Variants in CDH18 observed in about 807,000 individuals in gnomAD.
CDH18 encodes cadherin 18, also known as cadherin-18.
In CDH18, 31 loss-of-function variants were observed where a neutral mutation model predicts 67.9. The ratio of observed to expected loss-of-function variants is 0.46; its 90% CI spans 0.34 to 0.62. The LOEUF (loss-of-function observed/expected upper bound fraction) is 0.62, where lower values mean the gene tolerates loss of function less well. CDH18 is among the 20% of genes least tolerant of loss of function. The pLI is 0.01. For missense variants in CDH18, 890 were observed against 975.5 expected, an observed-to-expected ratio of 0.91 and a Z score of 1.17; for synonymous variants, 362 against 347.2, an observed-to-expected ratio of 1.04 and a Z score of -0.48.
At chr5:20,192,247 T>A (rs932468411) in intron 2 of CDH18, among the ~76,000 whole-genome samples, 6 of 151,990 alleles carry the variant, frequency 3.9e-5, no homozygotes, top group African/African-American at 9.7e-5. Context: ...AAATTCTGGA[T>A]AATAGATCTT....
chr5:19,832,031 C>T (rs1212856890), intron 3 of CDH18, among the ~76,000 whole-genome samples: 1 of 152,042 alleles, frequency 6.6e-6, no homozygotes, highest in Non-Finnish European at 1.5e-5. Flanking sequence ...TGTATTCTCA[C>T]TTGTAAGTGG....
intron 1 of CDH18, among the ~76,000 whole-genome samples, chr5:20,532,603 CAG>C (rs1349027507): frequency 1.3e-5 from 2 of 152,018 alleles, no homozygotes; most frequent in African/African-American, 4.8e-5. Flanking sequence ...ATGATATGCA[CAG>C]AGTTTTTTAA....
intron 8 of CDH18, among the ~76,000 whole-genome samples, chr5:19,549,750 AAAAG>A (rs925595318): frequency 1.4e-4 from 19 of 135,174 alleles, no homozygotes; most frequent in South Asian, 2.2e-4. Flanking sequence ...AGAGAAAAGA[AAAAG>A]AAAGAAAGAA....
At chr5:19,484,497 T>TA (rs1740030674) in intron 11 of CDH18, among the ~76,000 whole-genome samples, 1 of 152,216 alleles carries the variant, frequency 6.6e-6, no homozygotes, top group Non-Finnish European at 1.5e-5. Flanking sequence ...AATGCATAGC[T>TA]GAAAACCCAC....
intron 1 of CDH18, among the ~76,000 whole-genome samples, chr5:20,324,846 A>G (rs993917863): frequency 2.0e-5 from 3 of 152,222 alleles, no homozygotes; most frequent in Non-Finnish European, 2.9e-5. Flanking sequence ...CATTGATTTC[A>G]GCATTACTTT....
chr5:20,505,062 T>G (rs1366392389), intron 1 of CDH18, among the ~76,000 whole-genome samples: 1 of 151,372 alleles, frequency 6.6e-6, no homozygotes, highest in Non-Finnish European at 1.5e-5. Context: ...CCATCGCGCC[T>G]GGCCACAAAA....
intron 8 of CDH18, among the ~76,000 whole-genome samples, chr5:19,566,737 A>C (rs1278884560): frequency 6.6e-6 from 1 of 152,196 alleles, no homozygotes; most frequent in East Asian, 1.9e-4. Context: ...GACACAGCCA[A>C]ACCATATCAG....
intron 3 of CDH18, among the ~76,000 whole-genome samples, chr5:19,780,384 C>A (rs1283847208): frequency 6.6e-6 from 1 of 152,066 alleles, no homozygotes; most frequent in Non-Finnish European, 1.5e-5. Flanking sequence ...TTTGTAAAAT[C>A]AGCATCTCAC....
chr5:20,574,256 C>T (rs1467326599), intron 1 of CDH18, among the ~76,000 whole-genome samples: 1 of 151,604 alleles, frequency 6.6e-6, no homozygotes, highest in African/African-American at 2.4e-5. Context: ...GAATAAAACA[C>T]ACAAAAACAA....
At chr5:19,779,304 C>A (rs185084081) in intron 3 of CDH18, among the ~76,000 whole-genome samples, 3 of 152,194 alleles carry the variant, frequency 2.0e-5, no homozygotes, top group Admixed American at 1.3e-4. Flanking sequence ...ACTATTGCAA[C>A]ACTGTAAATT....
chr5:19,604,516 T>C (rs2150077880), intron 6 of CDH18, among the ~76,000 whole-genome samples: 1 of 137,204 alleles, frequency 7.3e-6, no homozygotes, highest in Middle Eastern at 3.6e-3. Context: ...CTGAGAATGC[T>C]AATTTCAAAT....
intron 2 of CDH18, among the ~76,000 whole-genome samples, chr5:20,050,526 T>G (rs749858510): frequency 5.0e-4 from 76 of 151,898 alleles, no homozygotes; most frequent in Non-Finnish European, 9.3e-4. Flanking sequence ...CATTTAATGC[T>G]TTCAATGAGT....
At chr5:20,400,029 C>A (rs540421968) in intron 1 of CDH18, among the ~76,000 whole-genome samples, 1 of 152,180 alleles carries the variant, frequency 6.6e-6, no homozygotes, top group South Asian at 2.1e-4. Context: ...CTACCTGTGG[C>A]CTACAATGTA....
At chr5:20,147,597 C>T (rs960153708) in intron 2 of CDH18, among the ~76,000 whole-genome samples, 1 of 152,096 alleles carries the variant, frequency 6.6e-6, no homozygotes, top group African/African-American at 2.4e-5. Context: ...GTAGACAGTG[C>T]AACTTGTAGA....
At chr5:20,458,820 T>G (rs1171275374) in intron 1 of CDH18, among the ~76,000 whole-genome samples, 2 of 152,274 alleles carry the variant, frequency 1.3e-5, no homozygotes, top group Non-Finnish European at 2.9e-5. Flanking sequence ...CACTAAATAT[T>G]AATACAAACA....
intron 5 of CDH18, among the ~76,000 whole-genome samples, chr5:19,656,668 G>C (rs1756451485): frequency 6.6e-6 from 1 of 152,042 alleles, no homozygotes; most frequent in South Asian, 2.1e-4. Context: ...AGAAACTGAT[G>C]ACATATTGTA....
At chr5:19,774,025 G>A (rs1024949447) in intron 3 of CDH18, among the ~76,000 whole-genome samples, 1 of 152,146 alleles carries the variant, frequency 6.6e-6, no homozygotes, top group African/African-American at 2.4e-5. Context: ...TCTCTATATA[G>A]CTAGATCCAG....
At chr5:20,501,770 T>C (rs1394887244) in intron 1 of CDH18, among the ~76,000 whole-genome samples, 1 of 136,398 alleles carries the variant, frequency 7.3e-6, no homozygotes, top group African/African-American at 2.7e-5. Context: ...CCTTTACAGA[T>C]TGAATAAGTA....
At chr5:20,457,685 C>A (rs909384572) in intron 1 of CDH18, among the ~76,000 whole-genome samples, 1 of 152,020 alleles carries the variant, frequency 6.6e-6, no homozygotes, top group Non-Finnish European at 1.5e-5. Context: ...GGAAGGTCTC[C>A]CAGTCTAAAA....
Sources: gnomAD v4.1 joint callset for allele counts (sites outside exome capture counted in the v4.1 genomes callset) on GRCh38, gnomAD v4.1.1 for gene constraint, MANE v1.5 for transcripts, NCBI Gene and HGNC (gene_info 2026-07-23, HGNC 2026-07-21) for gene names.